MAGI1: variants seen among roughly 807,000 people sequenced by gnomAD.
The protein encoded by MAGI1 is membrane-associated guanylate kinase, WW and PDZ domain-containing protein 1.
Under a neutral mutation model 139.9 loss-of-function variants are expected in MAGI1, and 58 were observed. That is an observed-to-expected ratio of 0.41 (90% CI 0.34 to 0.52). The LOEUF (loss-of-function observed/expected upper bound fraction) is 0.52. Among genes scored for constraint, MAGI1 ranks in the 20% least tolerant of loss-of-function variants. The pLI, the probability that MAGI1 is intolerant of heterozygous loss-of-function variation, is 0.12. For missense variants in MAGI1, 1,874 were observed against 1,901.6 expected, an observed-to-expected ratio of 0.99 and a Z score of 0.27; for synonymous variants, 812 against 737.9, an observed-to-expected ratio of 1.10 and a Z score of -1.63.
chr3:65,812,445 T>TTCTCTC (rs530333757), intron 1 of MAGI1, among the ~76,000 whole-genome samples: 137 of 130,488 alleles, frequency 1.0e-3, no homozygotes, highest in South Asian at 6.3e-3. Context: ...CTCTCTCTCT[T>TTCTCTC]TCTCTCTCTC....
chr3:65,639,930 A>G (rs554998659), intron 1 of MAGI1, among the ~76,000 whole-genome samples: 1 of 151,986 alleles, frequency 6.6e-6, no homozygotes, highest in African/African-American at 2.4e-5. Context: ...TGAACCCAGG[A>G]AGCAGAGGTT....
intron 1 of MAGI1, among the ~76,000 whole-genome samples, chr3:65,707,875 G>A (rs1264153538): frequency 6.6e-6 from 1 of 152,116 alleles, no homozygotes; most frequent in Non-Finnish European, 1.5e-5. Flanking sequence ...AATAAAATTA[G>A]GAGGTCGCTA....
intron 13 of MAGI1, among the ~76,000 whole-genome samples, chr3:65,400,750 A>ATTTTTTTTTTTTTTT (rs767598706): frequency 3.3e-5 from 2 of 60,598 alleles, no homozygotes; most frequent in Admixed American, 2.1e-4. Flanking sequence ...CAAAACATTG[A>ATTTTTTTTTTTTTTT]TTTTTTTTTT....
chr3:65,646,651 G>A (rs1474031641), intron 1 of MAGI1, among the ~76,000 whole-genome samples: 1 of 151,962 alleles, frequency 6.6e-6, no homozygotes, highest in Non-Finnish European at 1.5e-5. Context: ...TGTTGTGTAT[G>A]ATAAAACAAA....
intron 2 of MAGI1, among the ~76,000 whole-genome samples, chr3:65,523,409 G>T (rs1295971422): frequency 1.3e-5 from 2 of 151,446 alleles, no homozygotes; most frequent in East Asian, 3.9e-4. Flanking sequence ...ATTTTAAAAA[G>T]GAAGAGAGGG....
chr3:65,828,682 A>G (rs1156878938), intron 1 of MAGI1, among the ~76,000 whole-genome samples: 2 of 152,184 alleles, frequency 1.3e-5, no homozygotes, highest in Admixed American at 6.5e-5. Context: ...CAAATGTGTT[A>G]CCTTACATTA....
intron 12 of MAGI1, among the ~76,000 whole-genome samples, chr3:65,417,776 C>G (rs1161561598): frequency 1.3e-5 from 2 of 152,054 alleles, no homozygotes; most frequent in Non-Finnish European, 2.9e-5. Flanking sequence ...CAGGGGGAAG[C>G]TGGAATTGTT....
intron 2 of MAGI1, among the ~76,000 whole-genome samples, chr3:65,508,754 A>G (rs1194772837): frequency 1.3e-5 from 2 of 152,178 alleles, no homozygotes; most frequent in East Asian, 3.8e-4. Flanking sequence ...GTGACATATA[A>G]ATAACAAAAG....
At chr3:65,779,978 A>T (rs1458866954) in intron 1 of MAGI1, among the ~76,000 whole-genome samples, 1 of 146,396 alleles carries the variant, frequency 6.8e-6, no homozygotes, top group Non-Finnish European at 1.5e-5. Context: ...GACAAACTTG[A>T]AAAGGGGGTG....
intron 17 of MAGI1, among the ~76,000 whole-genome samples, chr3:65,378,134 AT>A (rs1029461644): frequency 2.0e-5 from 3 of 152,194 alleles, no homozygotes; most frequent in African/African-American, 7.2e-5. Context: ...AAGGTGGATC[AT>A]TTTTGGAGTG....
At chr3:65,958,996 A>C (rs543892990) in intron 1 of MAGI1, among the ~76,000 whole-genome samples, 11 of 152,132 alleles carry the variant, frequency 7.2e-5, no homozygotes, top group Admixed American at 1.3e-4. Flanking sequence ...CAAAAAAAAA[A>C]AACAACAAAA....
chr3:65,588,749 A>T (rs542727817), intron 2 of MAGI1, among the ~76,000 whole-genome samples: 4 of 152,328 alleles, frequency 2.6e-5, no homozygotes, highest in African/African-American at 9.6e-5. Flanking sequence ...AGTGTTAATT[A>T]TTGTACCCTT....
chr3:65,790,010 T>C (rs1041973220), intron 1 of MAGI1, among the ~76,000 whole-genome samples: 3 of 152,216 alleles, frequency 2.0e-5, no homozygotes, highest in African/African-American at 7.2e-5. Context: ...ATTATTAACG[T>C]ATTAAATGTA....
At chr3:65,447,712 G>C (rs766609615) in intron 7 of MAGI1, among the ~76,000 whole-genome samples, 1 of 152,160 alleles carries the variant, frequency 6.6e-6, no homozygotes, top group South Asian at 2.1e-4. Context: ...GGGACACAGC[G>C]AGCATCTCTT....
At chr3:65,392,943 G>T (rs764123956) in intron 13 of MAGI1, among the ~76,000 whole-genome samples, 51 of 152,156 alleles carry the variant, frequency 3.4e-4, no homozygotes, top group Non-Finnish European at 6.2e-4. Context: ...GAGGTCTTGG[G>T]AAAACTGTAT....
intron 17 of MAGI1, among the ~76,000 whole-genome samples, chr3:65,376,614 C>T (rs1287494866): frequency 6.6e-6 from 1 of 152,146 alleles, no homozygotes; most frequent in Non-Finnish European, 1.5e-5. Flanking sequence ...CTTTTAGGAC[C>T]TTTGCTCAAG....
At chr3:65,470,778 A>C (rs1166528776) in intron 4 of MAGI1, among the ~76,000 whole-genome samples, 2 of 152,188 alleles carry the variant, frequency 1.3e-5, no homozygotes, top group Non-Finnish European at 2.9e-5. Context: ...AGAAGAAACC[A>C]ATTCATGACT....
intron 1 of MAGI1, among the ~76,000 whole-genome samples, chr3:65,669,763 T>C (rs906250539): frequency 1.5e-4 from 23 of 152,228 alleles, no homozygotes; most frequent in African/African-American, 5.5e-4. Context: ...GCAATGGTTT[T>C]GGCACCTATC....
At chr3:65,413,012 T>C (rs981395912) in intron 12 of MAGI1, among the ~76,000 whole-genome samples, 1 of 152,100 alleles carries the variant, frequency 6.6e-6, no homozygotes, top group African/African-American at 2.4e-5. Flanking sequence ...TAAAGCAAAC[T>C]TTTATTACAG....
Sources: allele counts gnomAD v4.1 joint callset (sites outside exome capture counted in the v4.1 genomes callset), GRCh38; gene constraint gnomAD v4.1.1; transcripts MANE v1.5; gene names NCBI Gene and HGNC (gene_info 2026-07-23, HGNC 2026-07-21).